MAGI3: variants seen among roughly 807,000 people sequenced by gnomAD.
The protein encoded by MAGI3 is membrane associated guanylate kinase, WW and PDZ domain containing 3.
MAGI3 carries 43 observed loss-of-function variants against 121.8 expected under a neutral mutation model. The observed-to-expected ratio is 0.35, with a 90% CI of 0.28 to 0.46. The LOEUF (loss-of-function observed/expected upper bound fraction) is 0.46, where lower values mean the gene tolerates loss of function less well. Ranked by LOEUF, MAGI3 falls within the 20% of genes least tolerant of loss-of-function variation. MAGI3 has a pLI of 1.00. For missense variants in MAGI3, 1,547 were observed against 1,797.3 expected, an observed-to-expected ratio of 0.86 and a Z score of 2.52; for synonymous variants, 553 against 639.3, an observed-to-expected ratio of 0.86 and a Z score of 2.04.
chr1:113,598,643 T>C (rs1012923166), intron 6 of MAGI3, among the ~76,000 whole-genome samples: 1 of 151,962 alleles, frequency 6.6e-6, no homozygotes, highest in Non-Finnish European at 1.5e-5. Context: ...ATACTAAATA[T>C]ATATACCCCT....
intron 14 of MAGI3, among the ~76,000 whole-genome samples, chr1:113,651,803 G>T (rs887286808): frequency 6.6e-5 from 10 of 151,040 alleles, no homozygotes; most frequent in Admixed American, 2.6e-4. Flanking sequence ...AATTTGTTTT[G>T]TTTTTTTTTA....
chr1:113,433,037 A>T (rs1432901088), intron 1 of MAGI3, among the ~76,000 whole-genome samples: 4 of 152,060 alleles, frequency 2.6e-5, no homozygotes, highest in African/African-American at 9.7e-5. Flanking sequence ...ATAAATAAAC[A>T]TTATTATTGT....
At position 113,597,787 on chromosome 1, in the gene MAGI3, G is replaced by C. The variant is rs190328255; in HGVS notation, c.1018+3227G>C. On this transcript the variant is annotated intron_variant, in intron 6 of 20. Coordinates refer to ENST00000307546, the MANE Select transcript of MAGI3 (RefSeq NM_001142782.2). ...GTTTCATAAATGAAGAAGAAATAAAGTATTTTTCAGACAAGTAAATGTTGA... is the reference window on the plus strand; with the variant it reads ...GTTTCATAAATGAAGAAGAAATAAACTATTTTTCAGACAAGTAAATGTTGA... 7.1e-4 allele frequency among the ~76,000 whole-genome samples: 108 copies of C among 152,232 alleles called. 1 individual carries two copies. Among genetic ancestry groups the C allele is most frequent in the African/African-American group, 2.4e-3 (99 of 41,552 alleles).
At chr1:113,445,016 C>A (rs1021168832) in intron 1 of MAGI3, among the ~76,000 whole-genome samples, 3 of 152,002 alleles carry the variant, frequency 2.0e-5, no homozygotes, top group African/African-American at 7.2e-5. Flanking sequence ...AATGAATCAG[C>A]AAACTTGAAG....
At chr1:113,675,877 TTCCTCATCTGCAAAATGCA>T (rs1163137234) in intron 19 of MAGI3, among the ~76,000 whole-genome samples, 1 of 152,210 alleles carries the variant, frequency 6.6e-6, no homozygotes, top group Non-Finnish European at 1.5e-5. Context: ...TCTCCTGAGT[TTCCTCATCTGCAAAATGCA>T]GAACCATATG....
chr1:113,443,104 T>G (rs1653999962), intron 1 of MAGI3, among the ~76,000 whole-genome samples: 1 of 152,178 alleles, frequency 6.6e-6, no homozygotes. Context: ...TCAGTATGCC[T>G]TGCTCAAATT....
intron 1 of MAGI3, among the ~76,000 whole-genome samples, chr1:113,488,634 TG>T (rs766362626): frequency 1.6e-4 from 25 of 152,238 alleles, no homozygotes; most frequent in Non-Finnish European, 2.4e-4. Flanking sequence ...GGCATGTATC[TG>T]TGTGGGTGAG....
chr1:113,454,646 GC>G (rs934309838), intron 1 of MAGI3, among the ~76,000 whole-genome samples: 3 of 151,668 alleles, frequency 2.0e-5, no homozygotes, highest in East Asian at 1.9e-4. Context: ...CCCTCCCCTA[GC>G]CCCCCATCCC....
intron 2 of MAGI3, among the ~76,000 whole-genome samples, chr1:113,569,302 C>T (rs1338106610): frequency 1.3e-5 from 2 of 152,122 alleles, no homozygotes; most frequent in East Asian, 3.8e-4. Context: ...CTTTATTGCA[C>T]TATTTGCCCT....
chr1:113,543,850 A>G (rs2101659585), intron 1 of MAGI3, among the ~76,000 whole-genome samples: 1 of 149,678 alleles, frequency 6.7e-6, no homozygotes, highest in Non-Finnish European at 1.5e-5. Flanking sequence ...CCTGGTTGAC[A>G]GAGTGAGACC....
intron 9 of MAGI3, among the ~76,000 whole-genome samples, chr1:113,639,693 G>C (rs1652325661): frequency 6.6e-6 from 1 of 152,068 alleles, no homozygotes; most frequent in African/African-American, 2.4e-5. Flanking sequence ...TCAGCCTCCT[G>C]AGTAGCTGGG....
At chr1:113,561,002 C>T (rs1660212224) in intron 2 of MAGI3, among the ~76,000 whole-genome samples, 1 of 152,132 alleles carries the variant, frequency 6.6e-6, no homozygotes, top group Non-Finnish European at 1.5e-5. Flanking sequence ...TGCAAATAAA[C>T]TAGAAAATCT....
chr1:113,680,175 G>A (rs1277873348), intron 19 of MAGI3, among the ~76,000 whole-genome samples: 1 of 152,124 alleles, frequency 6.6e-6, no homozygotes, highest in African/African-American at 2.4e-5. Flanking sequence ...CAGTTCAAAG[G>A]AATGAGCAGT....
chr1:113,577,843 C>T (rs558503095), intron 2 of MAGI3, among the ~76,000 whole-genome samples: 4 of 152,310 alleles, frequency 2.6e-5, no homozygotes, highest in Non-Finnish European at 4.4e-5. Flanking sequence ...AGAGTTCCTC[C>T]TGCCCTTTCG....
chr1:113,613,788 A>T (rs1024597561), intron 6 of MAGI3, among the ~76,000 whole-genome samples: 1 of 152,192 alleles, frequency 6.6e-6, no homozygotes, highest in Non-Finnish European at 1.5e-5. Context: ...TGTTTTACTA[A>T]TAAGATGGTT....
At chr1:113,513,314 G>T (rs149247875) in intron 1 of MAGI3, among the ~76,000 whole-genome samples, 1 of 152,076 alleles carries the variant, frequency 6.6e-6, no homozygotes. Context: ...AGACCACGTC[G>T]CCAAGTCAAT....
chr1:113,528,627 A>T (rs1352752430), intron 1 of MAGI3, among the ~76,000 whole-genome samples: 1 of 152,172 alleles, frequency 6.6e-6, no homozygotes, highest in Non-Finnish European at 1.5e-5. Context: ...TAAATGGCTT[A>T]GCATTTATTG....
intron 1 of MAGI3, among the ~76,000 whole-genome samples, chr1:113,520,903 A>G (rs1192042770): frequency 4.6e-5 from 7 of 151,674 alleles, no homozygotes; most frequent in African/African-American, 1.7e-4. Flanking sequence ...CACCTGGCAT[A>G]GTGTCCTGTT....
At chr1:113,432,771 A>G (rs955213895) in intron 1 of MAGI3, among the ~76,000 whole-genome samples, 2 of 152,210 alleles carry the variant, frequency 1.3e-5, no homozygotes, top group African/African-American at 4.8e-5. Context: ...TATTTTTAAT[A>G]CTGATAATAA....
Sources: gnomAD v4.1 joint callset for allele counts (sites outside exome capture counted in the v4.1 genomes callset) on GRCh38, gnomAD v4.1.1 for gene constraint, MANE v1.5 for transcripts, NCBI Gene and HGNC (gene_info 2026-07-23, HGNC 2026-07-21) for gene names.